RPS6KB1: variants seen among roughly 807,000 people sequenced by gnomAD.
RPS6KB1 encodes the protein ribosomal protein S6 kinase B1, also known as ribosomal protein S6 kinase beta-1.
Under a neutral mutation model 70.2 loss-of-function variants are expected in RPS6KB1, and 12 were observed. That is an observed-to-expected ratio of 0.17 (90% CI 0.11 to 0.28). The LOEUF is 0.28. Among genes scored for constraint, RPS6KB1 ranks in the 10% least tolerant of loss-of-function variants. The pLI, the probability that RPS6KB1 is intolerant of heterozygous loss-of-function variation, is 1.00. For synonymous variants in RPS6KB1, 175 were observed against 211.2 expected, an observed-to-expected ratio of 0.83 and a Z score of 1.49; for missense variants, 270 against 646.6, an observed-to-expected ratio of 0.42 and a Z score of 6.32.
rs2042430088 is a variant in RPS6KB1 at position 59,908,851 on chromosome 17, C to T, written c.142-1711C>T. ...GCCAGGATGGTCTCGATTTCCTGAC[C>T]TCGTGATCCGCCCGCCTCGGCCTCC... On this transcript the variant is annotated intron_variant, in intron 1 of 14. Coordinates refer to ENST00000225577, the MANE Select transcript of RPS6KB1 (RefSeq NM_003161.4). 2.1e-5 allele frequency among the ~76,000 whole-genome samples: 3 copies of T among 141,894 alleles called. No individual in the cohort carries two copies. In the South Asian group the frequency reaches 6.7e-4, roughly 32 times the overall value. The allele number at this position is 141,894 out of a possible 152,430, so 93.1% of individuals were successfully genotyped here. A position where few individuals can be genotyped will look rare whatever the true frequency, so the allele number is the denominator to read the frequency against.
At position 59,950,421 on chromosome 17, in the gene RPS6KB1, CAT is replaced by C. The variant is rs2045148351; in HGVS notation, c.*3635_*3636del. The C allele has an allele frequency of 1.3e-5, 2 of 152,564 alleles. No individual in the cohort carries two copies. Among genetic ancestry groups the C allele is most frequent in the African/African-American group, 4.8e-5 (2 of 41,538 alleles). 9.5% of individuals were successfully genotyped at this position (152,564 alleles called of 1,614,324 possible). A position where few individuals can be genotyped will look rare whatever the true frequency, so the allele number is the denominator to read the frequency against. On this transcript the variant is annotated 3_prime_UTR_variant, in exon 15 of 15. Transcript: ENST00000225577. ...GAAATTAAATGCAAATTTGAATGAA[CAT>C]AAATAGAAGTGATTTATTTTTTTAT...
At chr17:59,919,370 G>T (rs576223212) in intron 4 of RPS6KB1, among the ~76,000 whole-genome samples, 3 of 152,148 alleles carry the variant, frequency 2.0e-5, no homozygotes, top group Non-Finnish European at 4.4e-5. Flanking sequence ...CAGGAGAATC[G>T]CTTGAGCCTG....
At chr17:59,935,978 A>AT (rs1343176350) in intron 10 of RPS6KB1, among the ~76,000 whole-genome samples, 6 of 150,828 alleles carry the variant, frequency 4.0e-5, no homozygotes, top group Non-Finnish European at 7.4e-5. Context: ...CGCCAGGCTA[A>AT]TTTTTGTATT....
intron 4 of RPS6KB1, among the ~76,000 whole-genome samples, chr17:59,921,380 A>T (rs1017849221): frequency 1.3e-5 from 2 of 152,174 alleles, no homozygotes; most frequent in African/African-American, 4.8e-5. Flanking sequence ...AATAATGAAA[A>T]TAAAGATGTC....
chr17:59,917,126 A>T (rs2043002990), intron 4 of RPS6KB1, among the ~76,000 whole-genome samples: 1 of 152,010 alleles, frequency 6.6e-6, no homozygotes, highest in Non-Finnish European at 1.5e-5. Flanking sequence ...ATTTTTATTT[A>T]GTTAGTTTTT....
At chr17:59,903,451 G>A (rs2042080148) in intron 1 of RPS6KB1, among the ~76,000 whole-genome samples, 1 of 152,050 alleles carries the variant, frequency 6.6e-6, no homozygotes, top group Admixed American at 6.6e-5. Flanking sequence ...CTCCAGCCTG[G>A]GTGATAGAGT....
chr17:59,931,893 C>T (rs573635005), intron 7 of RPS6KB1, among the ~76,000 whole-genome samples, 171 bp downstream of exon 7: 4 of 152,172 alleles, frequency 2.6e-5, no homozygotes, highest in South Asian at 2.1e-4. Flanking sequence ...TAGGTAATTA[C>T]GCTTGGTGAG....
chr17:59,918,768 T>C (rs1413394872), intron 4 of RPS6KB1, among the ~76,000 whole-genome samples: 1 of 152,140 alleles, frequency 6.6e-6, no homozygotes, highest in Non-Finnish European at 1.5e-5. Context: ...TAGTCAGTTT[T>C]AGTCACTTTG....
chr17:59,928,201 C>T (rs1418448817), intron 5 of RPS6KB1, among the ~76,000 whole-genome samples: 1 of 151,928 alleles, frequency 6.6e-6, no homozygotes, highest in Non-Finnish European at 1.5e-5. Context: ...ATATATTTCT[C>T]ACCTAGATTC....
At chr17:59,920,267 C>T (rs1314125730) in intron 4 of RPS6KB1, among the ~76,000 whole-genome samples, 1 of 152,136 alleles carries the variant, frequency 6.6e-6, no homozygotes, top group East Asian at 1.9e-4. Context: ...ATCCACCCTT[C>T]TTGGCCTCCC....
chr17:59,917,661 C>G (rs1402722839), intron 4 of RPS6KB1, among the ~76,000 whole-genome samples: 3 of 152,156 alleles, frequency 2.0e-5, no homozygotes, highest in South Asian at 2.1e-4. Context: ...TGGCCTGGAA[C>G]TCCTGGCCTC....
chr17:59,936,475 C>G lies in RPS6KB1; in HGVS notation c.1053C>G (p.Phe351Leu), dbSNP rs975291099. ...TTTTTTTTTCCTAGGCTCATCCATTCTTTAGACACATTAACTGGGAAGAAC... is the reference window on the plus strand; with the variant it reads ...TTTTTTTTTCCTAGGCTCATCCATTGTTTAGACACATTAACTGGGAAGAAC... ...GDAGEVQAHPFFRHINWEELL... is the reference protein window; with the variant it reads ...GDAGEVQAHPLFRHINWEELL... Residue 351 changes from phenylalanine (F) to leucine (L), a missense_variant, in exon 12 of 15, where the codon TTC becomes TTG. By Grantham distance (22) the Phe-to-Leu change is conservative (BLOSUM62 0). Transcript: ENST00000225577. 1 of 1,613,760 alleles carries G rather than the reference C, an allele frequency of 6.2e-7. No homozygotes were observed. Among genetic ancestry groups the G allele is most frequent in the East Asian group, 2.2e-5 (1 of 44,874 alleles).
chr17:59,916,428 G>A (rs888599370), intron 4 of RPS6KB1, among the ~76,000 whole-genome samples: 2 of 152,170 alleles, frequency 1.3e-5, no homozygotes, highest in African/African-American at 4.8e-5. Flanking sequence ...GCGAGTTAAG[G>A]ATTTGTTTCT....
intron 1 of RPS6KB1, among the ~76,000 whole-genome samples, chr17:59,901,652 A>G (rs1238410490): frequency 6.6e-6 from 1 of 151,004 alleles, no homozygotes; most frequent in Non-Finnish European, 1.5e-5. Context: ...AAAAAGAAAA[A>G]AAAAGAAACA....
intron 1 of RPS6KB1, among the ~76,000 whole-genome samples, chr17:59,909,184 T>C (rs1175694560): frequency 7.2e-6 from 1 of 138,238 alleles, no homozygotes; most frequent in African/African-American, 2.6e-5. Context: ...CGCCTCGGCC[T>C]CCCAAACTGC....
intron 11 of RPS6KB1, 79 bp downstream of exon 11, chr17:59,936,356 T>G (rs2044244043): frequency 6.0e-6 from 9 of 1,503,216 alleles, no homozygotes; most frequent in Non-Finnish European, 8.2e-6. Context: ...ATGTAGTTGC[T>G]TATAAGTTTA....
chr17:59,897,531 G>A (rs960079347), intron 1 of RPS6KB1, among the ~76,000 whole-genome samples: 5 of 152,128 alleles, frequency 3.3e-5, no homozygotes, highest in Admixed American at 2.6e-4. Context: ...TTAGAGAGAT[G>A]TGCCTTTCAA....
chr17:59,932,498 C>CAA (rs1042139930), intron 7 of RPS6KB1, among the ~76,000 whole-genome samples: 5 of 150,148 alleles, frequency 3.3e-5, no homozygotes, highest in African/African-American at 1.2e-4. Flanking sequence ...GAAATTGAAC[C>CAA]AAAGTATTTG....
chr17:59,897,738 A>G (rs1345510549), intron 1 of RPS6KB1, among the ~76,000 whole-genome samples: 1 of 152,118 alleles, frequency 6.6e-6, no homozygotes, highest in African/African-American at 2.4e-5. Context: ...AGGCCGAGGC[A>G]GGTGGATCAC....
Sources: gnomAD v4.1 joint callset for allele counts (sites outside exome capture counted in the v4.1 genomes callset) on GRCh38, gnomAD v4.1.1 for gene constraint, MANE v1.5 for transcripts, NCBI Gene and HGNC (gene_info 2026-07-23, HGNC 2026-07-21) for gene names.